The following TBCD variants were observed in gnomAD, a reference collection of about 807,000 sequenced individuals.
The protein encoded by TBCD is tubulin-specific chaperone D.
In TBCD, 105 loss-of-function variants were observed where a neutral mutation model predicts 169.3. The observed-to-expected ratio is 0.62, with a 90% CI of 0.53 to 0.73. TBCD has a LOEUF of 0.73. Among genes scored for constraint, TBCD ranks in the 30% least tolerant of loss-of-function variants. The pLI, the probability that TBCD is intolerant of heterozygous loss-of-function variation, is 0.00. For synonymous variants in TBCD, 700 were observed against 643.9 expected, an observed-to-expected ratio of 1.09 and a Z score of -1.32; for missense variants, 1,444 against 1,600.1, an observed-to-expected ratio of 0.90 and a Z score of 1.66.
intron 7 of TBCD, among the ~76,000 whole-genome samples, chr17:82,784,198 A>C (rs2049142656): frequency 6.6e-6 from 1 of 152,180 alleles, no homozygotes; most frequent in Admixed American, 6.6e-5. Flanking sequence ...GTTTTTAATA[A>C]AATTTTAAAC....
In TBCD at chr17:82,811,715, A is replaced by G. The variant is rs181438400; in HGVS notation, c.1223+1933A>G. Among the ~76,000 whole-genome samples the G allele has an allele frequency of 3.1e-3, 475 of 152,180 alleles. 3 individuals carry two copies. The highest frequency in any genetic ancestry group is 0.011 in the African/African-American group (451 of 41,524). On this transcript the variant is annotated intron_variant, in intron 12 of 38. Coordinates refer to ENST00000355528, the MANE Select transcript of TBCD (RefSeq NM_005993.5). ...AGCATGTGATTGTCAACCATGGCAT[A>G]AAAAGGTGCAGCCTCAGAGCAGGAT...
intron 13 of TBCD, among the ~76,000 whole-genome samples, chr17:82,865,916 T>C (rs552873198): frequency 6.6e-6 from 1 of 151,806 alleles, no homozygotes; most frequent in Admixed American, 6.6e-5. Context: ...GAGAGAAGGG[T>C]TTTTCAATTA....
chr17:82,925,661 G>A (rs886361481), intron 27 of TBCD, among the ~76,000 whole-genome samples: 12 of 152,204 alleles, frequency 7.9e-5, no homozygotes, highest in Admixed American at 1.3e-4. Flanking sequence ...AGCTCCAGAC[G>A]GACTCCTGCC....
intron 13 of TBCD, among the ~76,000 whole-genome samples, chr17:82,836,715 C>CA (rs1336121382): frequency 6.6e-6 from 1 of 151,330 alleles, no homozygotes; most frequent in Non-Finnish European, 1.5e-5. Context: ...AAAACAAAAC[C>CA]AAAAAACAAA....
Position 82,752,302 on chromosome 17 carries a change from C to G in TBCD, c.109C>G (p.Arg37Gly). ...AGCGTTCGGCGAGAGCGCGGAGACC[C>G]GGGCGCTGCTGGGCCGCCTGCGGGA... ...LEAFGESAET[R>G]ALLGRLREVH... The change falls in exon 1 of 39, where the codon CGG becomes GGG. Residue 37 changes from arginine to glycine, a missense_variant. Physicochemically the swap from Arg to Gly is moderately radical, Grantham distance 125 (BLOSUM62 -2). Transcript: ENST00000355528. 4 of 1,506,818 alleles carry G rather than the reference C, an allele frequency of 2.7e-6. No individual in the cohort carries two copies. In the South Asian group the frequency reaches 4.9e-5, roughly 19 times the overall value. The allele number at this position is 1,506,818 out of a possible 1,614,324, so 93.3% of individuals were successfully genotyped here.
intron 22 of TBCD, among the ~76,000 whole-genome samples, chr17:82,910,809 G>A (rs1446065990): frequency 2.6e-5 from 4 of 152,126 alleles, no homozygotes; most frequent in East Asian, 1.9e-4. Flanking sequence ...GAAGCGATCC[G>A]CCCGCCTCGG....
chr17:82,815,444 C>T (rs953149722), intron 13 of TBCD, among the ~76,000 whole-genome samples: 10 of 152,178 alleles, frequency 6.6e-5, no homozygotes, highest in African/African-American at 1.9e-4. Context: ...CTCACGCCAG[C>T]GTGAAACCAG....
intron 13 of TBCD, chr17:82,829,376 G>A (rs1047276914): frequency 1.3e-5 from 2 of 155,040 alleles, no homozygotes; most frequent in Non-Finnish European, 2.9e-5. Flanking sequence ...CCCGTTCACA[G>A]GTTAATCGCT....
chr17:82,761,574 T>A (rs576909737), intron 2 of TBCD, among the ~76,000 whole-genome samples: 1 of 152,318 alleles, frequency 6.6e-6, no homozygotes, highest in African/African-American at 2.4e-5. Context: ...GTACTGTTCA[T>A]TAGTTTTGCC....
chr17:82,843,033 G>A (rs551125263), intron 13 of TBCD, among the ~76,000 whole-genome samples: 11 of 152,134 alleles, frequency 7.2e-5, no homozygotes, highest in African/African-American at 2.6e-4. Flanking sequence ...GCCCGCCTCG[G>A]CCTCCCAAAG....
chr17:82,930,505 G>T lies in TBCD; in HGVS notation c.2992-17G>T. 8 of 1,611,204 alleles carry T rather than the reference G, an allele frequency of 5.0e-6. No individual in the cohort carries two copies. The highest frequency in any genetic ancestry group is 6.8e-6 in the Non-Finnish European group (8 of 1,179,100). ...CTCGGGGGTCCCACTGCCTTCTGAG[G>T]TGTCTCCGTGTTGCAGATCCGGCAC... On this transcript the variant is annotated splice_polypyrimidine_tract_variant and intron_variant, in intron 32 of 38. Transcript: ENST00000355528. The surrounding 1 kb of genome is among the most constrained non-coding windows in gnomAD (Gnocchi z 5.2).
chr17:82,924,633 C>T (rs2061610690), intron 26 of TBCD, among the ~76,000 whole-genome samples: 2 of 152,160 alleles, frequency 1.3e-5, no homozygotes, highest in Admixed American at 6.5e-5. Context: ...ATTAGCTTGG[C>T]ATGGTGGCAC....
At chr17:82,858,716 T>A (rs2056515513) in intron 13 of TBCD, 8 of 939,648 alleles carry the variant, frequency 8.5e-6, no homozygotes, top group African/African-American at 1.8e-5. Context: ...TTTCTGACCC[T>A]CCTGTGGATG....
At chr17:82,839,396 A>G (rs560945100) in intron 13 of TBCD, among the ~76,000 whole-genome samples, 17 of 152,030 alleles carry the variant, frequency 1.1e-4, no homozygotes, top group African/African-American at 2.7e-4. Flanking sequence ...TACACCACAC[A>G]TATATATAAC....
In TBCD at chr17:82,945,624, G is replaced by C. The variant is rs1416122259; in HGVS notation, c.*3161G>C. ...AAAAATATGCCATTCTTATCTGTTTGGTTTTTTAATCTTGGCTTAATATTT... is the reference window on the plus strand; with the variant it reads ...AAAAATATGCCATTCTTATCTGTTTCGTTTTTTAATCTTGGCTTAATATTT... On this transcript the variant is annotated 3_prime_UTR_variant, in exon 39 of 39. Coordinates refer to ENST00000355528, the MANE Select transcript of TBCD (RefSeq NM_005993.5). 1 of 152,110 alleles carries C rather than the reference G, an allele frequency of 6.6e-6. No homozygotes were observed. Among genetic ancestry groups the C allele is most frequent in the Non-Finnish European group, 1.5e-5 (1 of 68,010 alleles). The allele number at this position is 152,110 out of a possible 1,614,324, so 9.4% of individuals were successfully genotyped here. A position where few individuals can be genotyped will look rare whatever the true frequency, so the allele number is the denominator to read the frequency against.
intron 7 of TBCD, among the ~76,000 whole-genome samples, chr17:82,790,840 C>T (rs1392131460): frequency 6.6e-6 from 1 of 152,120 alleles, no homozygotes; most frequent in Non-Finnish European, 1.5e-5. Context: ...AGCTGTGCCA[C>T]CCCCACCTGC....
chr17:82,764,367 G>A (rs1023167089), intron 3 of TBCD, among the ~76,000 whole-genome samples: 3 of 152,194 alleles, frequency 2.0e-5, no homozygotes, highest in South Asian at 2.1e-4. Flanking sequence ...AAAGCAGGCC[G>A]GGTGCGGTGG....
At position 82,914,553 on chromosome 17, in the gene TBCD, G is replaced by A. The variant is rs376682595; in HGVS notation, c.2038+2764G>A. Among the ~76,000 whole-genome samples, 25 of 152,312 alleles carry A rather than the reference G, an allele frequency of 1.6e-4. No individual in the cohort carries two copies. In the East Asian group the frequency reaches 3.1e-3, roughly 19 times the overall value. The stretch of plus-strand genomic sequence containing the variant: ...CCCTCACACCGCTGAGTGCAAACGC[G>A]GCACTCCTGCACATGTCGCCTCGCA... On this transcript the variant is annotated intron_variant, in intron 23 of 38. Transcript: ENST00000355528.
chr17:82,942,787 G>A lies in TBCD; in HGVS notation c.*324G>A. ...CCCAGGGGTCAGCCAGAGGGGAGGT[G>A]GGCTGCACTCCTCCTGCCTGGAGAC... On this transcript the variant is annotated 3_prime_UTR_variant, in exon 39 of 39. Coordinates refer to ENST00000355528, the MANE Select transcript of TBCD (RefSeq NM_005993.5). 1 of 452,560 alleles carries A rather than the reference G, an allele frequency of 2.2e-6. No individual in the cohort carries two copies. The allele number at this position is 452,560 out of a possible 1,614,324, so 28.0% of individuals were successfully genotyped here.
Sources: allele counts gnomAD v4.1 joint callset (sites outside exome capture counted in the v4.1 genomes callset), GRCh38; gene constraint gnomAD v4.1.1; non-coding constraint Gnocchi (gnomAD v3.1); transcripts MANE v1.5; gene names NCBI Gene and HGNC (gene_info 2026-07-23, HGNC 2026-07-21).